CTNNA3: variants seen among roughly 807,000 people sequenced by gnomAD.
CTNNA3 encodes the protein catenin alpha-3.
In CTNNA3, 76 loss-of-function variants were observed where a neutral mutation model predicts 95.7. The ratio of observed to expected loss-of-function variants is 0.79; its 90% CI spans 0.66 to 0.96. The LOEUF (loss-of-function observed/expected upper bound fraction) is 0.96. Ranked by LOEUF, CTNNA3 falls within the 40% of genes least tolerant of loss-of-function variation. The pLI, the probability that CTNNA3 is intolerant of heterozygous loss-of-function variation, is 0.00. For missense variants in CTNNA3, 1,191 were observed against 1,089.8 expected (o/e 1.09, Z -1.31); for synonymous variants, 431 against 374.4 (o/e 1.15, Z -1.74).
At chr10:67,647,593 G>A in intron 1 of CTNNA3, 75 bp from the exon 2 acceptor site, 1 of 1,222,266 alleles carries the variant, frequency 8.2e-7, no homozygotes, top group Non-Finnish European at 1.2e-6. Flanking sequence ...TGAAATCATG[G>A]AATAGGTAAA....
intron 11 of CTNNA3, among the ~76,000 whole-genome samples, chr10:66,431,126 C>G (rs2093291591): frequency 6.6e-6 from 1 of 151,904 alleles, no homozygotes; most frequent in Admixed American, 6.6e-5. Context: ...ATTTATGCAG[C>G]CTACAGACAC....
intron 13 of CTNNA3, among the ~76,000 whole-genome samples, chr10:66,137,003 AG>A (rs2133866388): frequency 6.6e-6 from 1 of 152,012 alleles, no homozygotes; most frequent in Admixed American, 6.6e-5. Context: ...GTATTTTTTT[AG>A]TAGACATGGG....
At chr10:65,922,618 G>A (rs1022775372) in intron 17 of CTNNA3, among the ~76,000 whole-genome samples, 4 of 152,132 alleles carry the variant, frequency 2.6e-5, no homozygotes, top group African/African-American at 9.7e-5. Flanking sequence ...AAATGTGTCA[G>A]TATAAATACA....
intron 7 of CTNNA3, among the ~76,000 whole-genome samples, chr10:67,038,625 A>T (rs572054166): frequency 6.5e-4 from 99 of 152,224 alleles, no homozygotes; most frequent in African/African-American, 2.4e-3. Flanking sequence ...TATTTTTGTT[A>T]TCTGGTCTTT....
intron 15 of CTNNA3, among the ~76,000 whole-genome samples, chr10:66,046,251 G>T (rs10996852): frequency 0.19 from 28,812 of 152,070 alleles, 3,083 homozygotes; most frequent in Middle Eastern, 0.26. Context: ...GTAACCTTCA[G>T]GTCAGGAGAT....
intron 9 of CTNNA3, among the ~76,000 whole-genome samples, chr10:66,708,472 G>A (rs1848189716): frequency 6.6e-6 from 1 of 151,944 alleles, no homozygotes. Flanking sequence ...CACTAGTCAT[G>A]TTAGGTAAAG....
chr10:66,686,653 A>G (rs1410178658), intron 9 of CTNNA3, among the ~76,000 whole-genome samples: 1 of 152,212 alleles, frequency 6.6e-6, no homozygotes, highest in East Asian at 1.9e-4. Context: ...AGTGGCATGA[A>G]TGACATGTCT....
At chr10:66,360,038 G>A (rs1342971920) in intron 12 of CTNNA3, among the ~76,000 whole-genome samples, 3 of 151,594 alleles carry the variant, frequency 2.0e-5, no homozygotes, top group East Asian at 3.9e-4. Flanking sequence ...CATGTTGGTC[G>A]GGCTGGTCTC....
At chr10:66,276,950 G>C (rs2091410982) in intron 13 of CTNNA3, among the ~76,000 whole-genome samples, 1 of 151,924 alleles carries the variant, frequency 6.6e-6, no homozygotes, top group Non-Finnish European at 1.5e-5. Flanking sequence ...TCTTGCTTTA[G>C]TTTTAACCAT....
chr10:66,896,800 T>C (rs1269697695), intron 7 of CTNNA3, among the ~76,000 whole-genome samples: 2 of 152,144 alleles, frequency 1.3e-5, no homozygotes, highest in African/African-American at 4.8e-5. Context: ...AACCTTCCTG[T>C]TTCTACCTTT....
intron 7 of CTNNA3, among the ~76,000 whole-genome samples, chr10:67,000,086 C>A (rs1355779916): frequency 6.6e-6 from 1 of 152,166 alleles, no homozygotes; most frequent in African/African-American, 2.4e-5. Context: ...ATAGCATTTT[C>A]TCCATATTTC....
intron 7 of CTNNA3, among the ~76,000 whole-genome samples, chr10:66,958,089 C>T (rs538650173): frequency 3.2e-4 from 48 of 152,090 alleles, no homozygotes; most frequent in African/African-American, 1.1e-3. Context: ...TCCTTGCTGG[C>T]CTTCAGTACC....
chr10:66,684,639 A>C (rs528658900), intron 9 of CTNNA3, among the ~76,000 whole-genome samples: 2 of 152,298 alleles, frequency 1.3e-5, no homozygotes, highest in South Asian at 4.1e-4. Flanking sequence ...TCTCAGGAGA[A>C]GTGATAAAAC....
intron 5 of CTNNA3, among the ~76,000 whole-genome samples, chr10:67,285,643 A>G (rs1330660282): frequency 6.6e-6 from 1 of 152,262 alleles, no homozygotes; most frequent in African/African-American, 2.4e-5. Context: ...AGGAAAGTAC[A>G]TAGAAAGGAA....
At chr10:66,302,682 A>G (rs1756400997) in intron 12 of CTNNA3, among the ~76,000 whole-genome samples, 1 of 152,124 alleles carries the variant, frequency 6.6e-6, no homozygotes, top group African/African-American at 2.4e-5. Context: ...GGAAACTGGT[A>G]GAAAGGTATG....
At chr10:67,199,367 TTG>T (rs1270633951) in intron 6 of CTNNA3, among the ~76,000 whole-genome samples, 1 of 69,986 alleles carries the variant, frequency 1.4e-5, no homozygotes, top group East Asian at 2.5e-4. Context: ...TTCCTTTTTG[TTG>T]TTGTTGTTGT....
In CTNNA3 at chr10:66,632,993, C is replaced by T. The variant is rs190943013; in HGVS notation, c.1282-11209G>A. 1.2e-4 allele frequency among the ~76,000 whole-genome samples: 18 copies of T among 152,124 alleles called. No individual in the cohort carries two copies. The South Asian group carries it at 1.5e-3, about 12-fold the overall frequency. On this transcript the variant is annotated intron_variant, in intron 9 of 17. Coordinates refer to ENST00000433211, the MANE Select transcript of CTNNA3 (RefSeq NM_013266.4). The stretch of plus-strand genomic sequence containing the variant: ...GATATTCAACTAAGCAAGAAAATCA[C>T]GGTTTTTGCTCATCAGATCAGAAAT...
chr10:66,316,441 A>C (rs2092100974), intron 12 of CTNNA3, among the ~76,000 whole-genome samples: 1 of 152,006 alleles, frequency 6.6e-6, no homozygotes, highest in African/African-American at 2.4e-5. Context: ...TTTTAATTCC[A>C]GTTCTGGGTC....
intron 17 of CTNNA3, among the ~76,000 whole-genome samples, chr10:65,962,559 A>C (rs1229222803): frequency 6.7e-6 from 1 of 149,682 alleles, no homozygotes; most frequent in Non-Finnish European, 1.5e-5. Flanking sequence ...TCTTAGACTA[A>C]TTTTTTTTTT....
Sources: gnomAD v4.1 joint callset for allele counts (sites outside exome capture counted in the v4.1 genomes callset) on GRCh38, gnomAD v4.1.1 for gene constraint, MANE v1.5 for transcripts, NCBI Gene and HGNC (gene_info 2026-07-23, HGNC 2026-07-21) for gene names.